Variants in EFHC2 observed in about 807,000 individuals in gnomAD.
The protein encoded by EFHC2 is EF-hand domain containing 2, also known as EF-hand domain-containing family member C2.
In EFHC2, 18 loss-of-function variants were observed where a neutral mutation model predicts 52.7. That is an observed-to-expected ratio of 0.34 (90% CI 0.24 to 0.51). The LOEUF (loss-of-function observed/expected upper bound fraction) is 0.51. EFHC2 is among the 20% of genes least tolerant of loss of function. The probability of loss-of-function intolerance (pLI) is 0.97; values close to 1 mark genes in which losing one functional copy is unlikely to be tolerated. For synonymous variants in EFHC2, 203 were observed against 204.1 expected (o/e 0.99, Z 0.04); for missense variants, 513 against 562.5 (o/e 0.91, Z 0.89).
chrX:44,224,766 G>A (rs1010119707), intron 11 of EFHC2, among the ~76,000 whole-genome samples: 7 of 112,623 alleles, frequency 6.2e-5, no homozygotes, highest in African/African-American at 1.9e-4. Flanking sequence ...GCTTCCCCAG[G>A]TGGAGAGAAG....
At chrX:44,341,393 C>T (rs556461361) in intron 1 of EFHC2, among the ~76,000 whole-genome samples, 2 of 112,386 alleles carry the variant, frequency 1.8e-5, no homozygotes, top group African/African-American at 6.5e-5. Flanking sequence ...TATTTTTATT[C>T]GCTAAATCTG....
intron 14 of EFHC2, among the ~76,000 whole-genome samples, chrX:44,158,192 C>T (rs2036623394): frequency 8.9e-6 from 1 of 111,957 alleles, no homozygotes; most frequent in Admixed American, 9.5e-5. Context: ...CACGCTGATG[C>T]AGACAGAATT....
intron 1 of EFHC2, among the ~76,000 whole-genome samples, chrX:44,341,426 T>G (rs2038151062): frequency 8.9e-6 from 1 of 112,524 alleles, no homozygotes; most frequent in South Asian, 3.6e-4. Flanking sequence ...AAGGGTGGTA[T>G]TTTTGGAGAA....
intron 2 of EFHC2, chrX:44,310,558 A>T: frequency 2.9e-6 from 1 of 348,693 alleles, no homozygotes; most frequent in South Asian, 5.1e-5. Context: ...CATTTTTAAG[A>T]CAAATGATTA....
intron 11 of EFHC2, among the ~76,000 whole-genome samples, chrX:44,188,055 C>T (rs916797833): frequency 5.5e-5 from 6 of 108,279 alleles, no homozygotes; most frequent in Non-Finnish European, 9.6e-5. Flanking sequence ...ACTGCAACCT[C>T]TGCCTCCTGG....
At chrX:44,277,830 AAAAAT>A (rs1244517106) in intron 2 of EFHC2, among the ~76,000 whole-genome samples, 1 of 110,967 alleles carries the variant, frequency 9.0e-6, no homozygotes, top group Admixed American at 9.6e-5. Context: ...TAATTGTACC[AAAAAT>A]AAATCTAAAA....
chrX:44,273,597 A>G (rs1602190173), intron 2 of EFHC2, among the ~76,000 whole-genome samples: 1 of 112,321 alleles, frequency 8.9e-6, no homozygotes, highest in East Asian at 2.8e-4. Flanking sequence ...GTTGAAGACC[A>G]GTTAAAATCA....
rs143206983 is a variant in EFHC2, at chrX:44,238,314, G to A, written c.1281-2867C>T. On this transcript the variant is annotated intron_variant, in intron 8 of 14. Transcript: ENST00000420999. ...TAATTAATTTCATCACTTCCACTGC[G>A]CTCACCCAGATCTGAGCCACCAAAA... 8.6e-3 allele frequency among the ~76,000 whole-genome samples: 956 copies of A among 110,912 alleles called. 14 individuals carry two copies. The highest frequency in any genetic ancestry group is 0.03 in the African/African-American group (909 of 30,451).
intron 2 of EFHC2, among the ~76,000 whole-genome samples, chrX:44,278,874 C>T (rs1302551935): frequency 6.2e-5 from 7 of 112,033 alleles, no homozygotes; most frequent in Non-Finnish European, 9.4e-5. Context: ...TCTCCTGAAG[C>T]TTTCATTAAA....
intron 2 of EFHC2, among the ~76,000 whole-genome samples, chrX:44,289,903 G>A (rs374850281): frequency 8.2e-5 from 9 of 110,372 alleles, no homozygotes; most frequent in Admixed American, 2.9e-4. Flanking sequence ...GGCTGGTCTC[G>A]AACTCCTGAC....
At chrX:44,329,370 T>C (rs1257394932) in intron 1 of EFHC2, among the ~76,000 whole-genome samples, 1 of 111,456 alleles carries the variant, frequency 9.0e-6, no homozygotes, top group Non-Finnish European at 1.9e-5. Context: ...TAATAAAAAC[T>C]GTGTGGCAAT....
At chrX:44,228,037 G>T (rs1352709559) in intron 11 of EFHC2, among the ~76,000 whole-genome samples, 2 of 112,525 alleles carry the variant, frequency 1.8e-5, no homozygotes, top group Non-Finnish European at 3.8e-5. Flanking sequence ...TCAAGGCCTT[G>T]CTGGCTGCAG....
intron 6 of EFHC2, 73 bp downstream of exon 6, chrX:44,248,730 C>T (rs1451180517): frequency 2.7e-5 from 22 of 818,688 alleles, no homozygotes; most frequent in Admixed American, 1.0e-4. Flanking sequence ...GAGAAGAGTA[C>T]GTAACTCGCC....
At chrX:44,191,319 T>C (rs1040600189) in intron 11 of EFHC2, among the ~76,000 whole-genome samples, 1 of 110,816 alleles carries the variant, frequency 9.0e-6, no homozygotes, top group Non-Finnish European at 1.9e-5. Flanking sequence ...CACTGTAACC[T>C]CCGCCTCCCG....
At chrX:44,249,909 G>C (rs2037429364) in intron 5 of EFHC2, among the ~76,000 whole-genome samples, 1 of 112,517 alleles carries the variant, frequency 8.9e-6, no homozygotes, top group African/African-American at 3.2e-5. Flanking sequence ...GAGTCATTTA[G>C]TTTCATAAAA....
chrX:44,200,194 C>T (rs1852646905), intron 11 of EFHC2, among the ~76,000 whole-genome samples: 1 of 111,137 alleles, frequency 9.0e-6, no homozygotes, highest in South Asian at 3.7e-4. Flanking sequence ...ACAATTAGTT[C>T]AAAATAAAAG....
intron 14 of EFHC2, among the ~76,000 whole-genome samples, chrX:44,156,521 A>G (rs1455482012): frequency 9.0e-6 from 1 of 111,726 alleles, no homozygotes; most frequent in Non-Finnish European, 1.9e-5. Flanking sequence ...GAGAGTCTCA[A>G]CAAGGCGGGT....
intron 11 of EFHC2, among the ~76,000 whole-genome samples, chrX:44,208,411 G>T (rs1460806693): frequency 9.0e-6 from 1 of 111,717 alleles, no homozygotes; most frequent in Non-Finnish European, 1.9e-5. Context: ...ACCACATATT[G>T]TCACTTGTAA....
intron 14 of EFHC2, among the ~76,000 whole-genome samples, chrX:44,162,936 C>A (rs2036668497): frequency 8.9e-6 from 1 of 111,835 alleles, no homozygotes; most frequent in Non-Finnish European, 1.9e-5. Context: ...CAGCAGAGAA[C>A]CTGATGAGAG....
Sources: gnomAD v4.1 joint callset for allele counts (sites outside exome capture counted in the v4.1 genomes callset) on GRCh38, gnomAD v4.1.1 for gene constraint, MANE v1.5 for transcripts, NCBI Gene and HGNC (gene_info 2026-07-23, HGNC 2026-07-21) for gene names.